The following PLXND1 variants were observed in gnomAD, a reference collection of about 807,000 sequenced individuals.
The protein encoded by PLXND1 is plexin-D1.
Under a neutral mutation model 197.7 loss-of-function variants are expected in PLXND1, and 54 were observed. That is an observed-to-expected ratio of 0.27 (90% CI 0.22 to 0.34). The LOEUF (loss-of-function observed/expected upper bound fraction) is 0.34. Ranked by LOEUF, PLXND1 falls within the 10% of genes least tolerant of loss-of-function variation. The pLI is 1.00. For missense variants in PLXND1, 2,127 were observed against 2,699.2 expected (o/e 0.79, Z 4.70); for synonymous variants, 1,180 against 1,161.2 (o/e 1.02, Z -0.33).
rs769717571 is a variant in PLXND1, at chr3:129,561,922, G to A, written c.4826-19C>T. 23 of 1,576,852 alleles carry A rather than the reference G, an allele frequency of 1.5e-5. No individual in the cohort carries two copies. The highest frequency in any genetic ancestry group is 1.7e-4 in the Middle Eastern group (1 of 5,888). On this transcript the variant is annotated intron_variant, in intron 27 of 35. Coordinates refer to ENST00000324093, the MANE Select transcript of PLXND1 (RefSeq NM_015103.3). The stretch of plus-strand genomic sequence containing the variant: ...AACCACTCTGGGGGACAAGGGACAG[G>A]CCATCAGGGTCCGGGCAGGGAGCTG...
chr3:129,561,982 G>A, intron 27 of PLXND1, 79 bp from the exon 28 acceptor site: 1 of 894,074 alleles, frequency 1.1e-6, no homozygotes, highest in East Asian at 2.4e-5. Context: ...AGCCACATAG[G>A]GAGAGGCCTC....
intron 1 of PLXND1, among the ~76,000 whole-genome samples, chr3:129,593,404 C>G (rs535271792): frequency 6.6e-6 from 1 of 152,348 alleles, no homozygotes; most frequent in Admixed American, 6.5e-5. Flanking sequence ...CTGAGGCATT[C>G]GTACTCCCCT....
Position 129,606,401 on chromosome 3 carries a change from T to TTG in PLXND1, c.238_239insCA (p.Tyr80SerfsTer9). Reference sequence around the variant, plus strand: ...GCTCAGGTTGGCGCCCGACAGCTGATAGAGGCGGTTGACGGCCGCCAGGTA... The same window carrying TTG: ...GCTCAGGTTGGCGCCCGACAGCTGATTGAGAGGCGGTTGACGGCCGCCAGGTA... On this transcript the variant is annotated frameshift_variant, in exon 1 of 36. Coordinates refer to ENST00000324093, the MANE Select transcript of PLXND1 (RefSeq NM_015103.3). LOFTEE classifies it high-confidence loss of function. The TTG allele has an allele frequency of 6.8e-7, 1 of 1,473,862 alleles. No homozygotes were observed. Among genetic ancestry groups the TTG allele is most frequent in the Non-Finnish European group, 9.0e-7 (1 of 1,116,530 alleles). 91.3% of individuals were successfully genotyped at this position (1,473,862 alleles called of 1,614,324 possible). A position where few individuals can be genotyped will look rare whatever the true frequency, so the allele number is the denominator to read the frequency against.
chr3:129,593,564 G>C (rs1233980161), intron 1 of PLXND1, among the ~76,000 whole-genome samples: 1 of 152,242 alleles, frequency 6.6e-6, no homozygotes, highest in East Asian at 1.9e-4. Context: ...CATGCATGAC[G>C]TTCTCCAGCA....
At position 129,586,251 on chromosome 3, in the gene PLXND1, C is replaced by T. The variant is rs559891372; in HGVS notation, c.1642G>A (p.Ala548Thr). Residue 548 changes from alanine to threonine, a missense_variant, in exon 4 of 36, where the codon GCC (alanine) becomes ACC (threonine). Ala to Thr is a moderately conservative substitution (Grantham distance 58). Transcript: ENST00000324093. ...CCACAGGTGGAGTGCACGTTGCAGG[C>T]GGCGACCTTCACCCTGGCCATCTGG... ...SHQMARVKVA[A>T]CNVHSTCGDC... 1.9e-5 allele frequency: 30 copies of T among 1,584,782 alleles called. No homozygotes were observed. The highest frequency in any genetic ancestry group is 2.3e-5 in the East Asian group (1 of 43,682).
At chr3:129,580,715 T>C (rs2625959) in intron 8 of PLXND1, among the ~76,000 whole-genome samples, 139,013 of 152,030 alleles carry the variant, frequency 0.91, 64,910 homozygotes, top group East Asian at 1. Flanking sequence ...GGAGTCCTCG[T>C]GGCTCTCACA....
In PLXND1 at chr3:129,577,585, C is replaced by T. The variant is rs1356049697; in HGVS notation, c.2346+744G>A. ...CACCACGTGTGACAGCTCTCACGGG[C>T]CTCAGCTCCTCCATGGAAGTAACAG... is the stretch of plus-strand genomic sequence containing the variant. On this transcript the variant is annotated intron_variant, in intron 9 of 35. Transcript: ENST00000324093. This position sits in a 1 kb window ranked among gnomAD's most constrained non-coding sequence, Gnocchi z 5.0. Among the ~76,000 whole-genome samples, 1 of 152,102 alleles carries T rather than the reference C, an allele frequency of 6.6e-6. No individual in the cohort carries two copies. The highest frequency in any genetic ancestry group is 1.9e-4 in the East Asian group (1 of 5,190).
rs749224692 is a variant in PLXND1 at position 129,571,313 on chromosome 3, G to C, written c.3337-10C>G. ...TGAGAACCTTGCAGAGCTGGTGCAG[G>C]AGAGCCAGGGGCCCAGGCCGGGATG... On this transcript the variant is annotated splice_polypyrimidine_tract_variant and intron_variant, in intron 17 of 35. Coordinates refer to ENST00000324093, the MANE Select transcript of PLXND1 (RefSeq NM_015103.3). The C allele has an allele frequency of 3.1e-6, 5 of 1,608,870 alleles. No individual in the cohort carries two copies. In the African/African-American group the frequency reaches 6.7e-5, roughly 22 times the overall value.
intron 5 of PLXND1, 152 bp downstream of exon 5, chr3:129,585,800 A>G: frequency 2.8e-6 from 3 of 1,072,386 alleles, no homozygotes. Context: ...CTAGTTGGTC[A>G]GGAAAGCCCA....
chr3:129,605,700 C>T lies in PLXND1; in HGVS notation c.940G>A (p.Ala314Thr), dbSNP rs1260806678. The T allele has an allele frequency of 3.9e-6, 6 of 1,539,278 alleles. No homozygotes were observed. The South Asian group carries it at 6.0e-5, about 15-fold the overall frequency. Residue 314 changes from alanine (A) to threonine (T), a missense_variant, in exon 1 of 36, where the codon GCG becomes ACG. This residue lies in a region of PLXND1 where 1,095 missense variants were observed against 1,259.8 expected (regional missense o/e 0.87). Transcript: ENST00000324093. ...CAGATGCGCGCCAGCAGGCTCCGCG[C>T]CTGGCTCTCCTTGTCGCCCGCGCGC... ...EARAGDKESQ[A>T]RSLLARICLP...
chr3:129,580,873 A>C, intron 8 of PLXND1, among the ~76,000 whole-genome samples: 4 of 141,162 alleles, frequency 2.8e-5, no homozygotes, highest in Non-Finnish European at 4.6e-5. Context: ...CTACCACCCC[A>C]CTCTCTCCAC....
intron 2 of PLXND1, 44 bp downstream of exon 2, chr3:129,589,307 G>GCCGGCCACCCCCC: frequency 1.5e-6 from 1 of 684,692 alleles, no homozygotes. Context: ...TCCCAGGGGA[G>GCCGGCCACCCCCC]CCTCCCACCC....
chr3:129,593,471 C>A (rs375621620), intron 1 of PLXND1, among the ~76,000 whole-genome samples: 22 of 152,360 alleles, frequency 1.4e-4, no homozygotes, highest in African/African-American at 4.6e-4. Context: ...CAGGCATGCC[C>A]AGACGGCAAG....
intron 1 of PLXND1, 41 bp downstream of exon 1, chr3:129,605,288 C>A: frequency 4.1e-6 from 4 of 973,272 alleles, no homozygotes; most frequent in Non-Finnish European, 5.3e-6. Context: ...CCCGCCCCCG[C>A]CGCCGCCGCC....
At chr3:129,559,474 A>G (rs1040827405) in intron 32 of PLXND1, 146 bp downstream of exon 32, 1 of 637,130 alleles carries the variant, frequency 1.6e-6, no homozygotes, top group African/African-American at 1.8e-5. Context: ...AGAGAGGCTA[A>G]GTCACTCATC....
intron 11 of PLXND1, among the ~76,000 whole-genome samples, 179 bp from the exon 12 acceptor site, chr3:129,574,669 A>T (rs1420971690): frequency 1.3e-5 from 2 of 152,094 alleles, no homozygotes; most frequent in Non-Finnish European, 2.9e-5. Context: ...CCCTTCCCCA[A>T]ACCCCTGGGG....
rs769381156 is a variant in PLXND1, at chr3:129,584,162, C to T, written c.2101G>A (p.Asp701Asn). The change falls in exon 7 of 36, where the codon GAC becomes AAC. Residue 701 changes from aspartate to asparagine, a missense_variant. By Grantham distance (23) the Asp-to-Asn change is conservative. Transcript: ENST00000324093. ...TACACTTGTGCAGTGCGGCTGCAGTCGTAGATGGTGAAATTGGCCTTGACG... is the reference window on the plus strand; with the variant it reads ...TACACTTGTGCAGTGCGGCTGCAGTTGTAGATGGTGAAATTGGCCTTGACG... Reference protein sequence around the residue: ...NIVKANFTIYDCSRTAQVYPH... With the variant: ...NIVKANFTIYNCSRTAQVYPH... The T allele has an allele frequency of 5.7e-6, 9 of 1,572,404 alleles. No homozygotes were observed. The highest frequency in any genetic ancestry group is 1.2e-5 in the South Asian group (1 of 85,880).
intron 5 of PLXND1, 71 bp from the exon 6 acceptor site, chr3:129,584,633 C>A (rs1288729271): frequency 6.2e-6 from 9 of 1,446,852 alleles, no homozygotes; most frequent in South Asian, 4.0e-5. Flanking sequence ...GGGCTGTGCA[C>A]CAACCCAAGG....
intron 2 of PLXND1, among the ~76,000 whole-genome samples, chr3:129,586,984 C>T (rs1443463507): frequency 2.6e-5 from 4 of 152,182 alleles, no homozygotes; most frequent in South Asian, 2.1e-4. Context: ...TTGTAGTTTA[C>T]GAAACGTGCT....
Sources: allele counts gnomAD v4.1 joint callset (sites outside exome capture counted in the v4.1 genomes callset), GRCh38; gene constraint gnomAD v4.1.1; regional missense constraint gnomAD v4.1.1; non-coding constraint Gnocchi (gnomAD v3.1); transcripts MANE v1.5; gene names NCBI Gene and HGNC (gene_info 2026-07-23, HGNC 2026-07-21).